GRM5: variants seen among roughly 807,000 people sequenced by gnomAD.
The protein encoded by GRM5 is glutamate metabotropic receptor 5, also known as metabotropic glutamate receptor 5.
GRM5 carries 19 observed loss-of-function variants against 83.1 expected under a neutral mutation model. That is an observed-to-expected ratio of 0.23 (90% CI 0.16 to 0.34). The LOEUF is 0.34. Ranked by LOEUF, GRM5 falls within the 10% of genes least tolerant of loss-of-function variation. The pLI is 1.00. For missense variants in GRM5, 1,160 were observed against 1,588.3 expected, an observed-to-expected ratio of 0.73 and a Z score of 4.58; for synonymous variants, 675 against 633.6, an observed-to-expected ratio of 1.07 and a Z score of -0.98.
chr11:88,959,011 T>A (rs892919587), intron 2 of GRM5, among the ~76,000 whole-genome samples: 1 of 152,280 alleles, frequency 6.6e-6, no homozygotes, highest in South Asian at 2.1e-4. Flanking sequence ...AATGCTGTGA[T>A]ACCATGTGTC....
rs1389163554 is a variant in GRM5 at position 88,867,867 on chromosome 11, T to C, written c.662-17712A>G. 3.9e-5 allele frequency among the ~76,000 whole-genome samples: 6 copies of C among 152,006 alleles called. No homozygotes were observed. The East Asian group carries it at 1.2e-3, about 29-fold the overall frequency. On this transcript the variant is annotated intron_variant, in intron 2 of 9. Coordinates refer to ENST00000305447, the MANE Select transcript of GRM5 (RefSeq NM_001143831.3). Reference sequence around the variant, plus strand: ...TGTTGTTTACGAACCACTGAGTCTATTGGTTTGTTGTTATAGTATCTCAAG... The same window carrying C: ...TGTTGTTTACGAACCACTGAGTCTACTGGTTTGTTGTTATAGTATCTCAAG...
chr11:88,720,851 T>TGTGTGTGTGTGTG (rs1555001368), intron 3 of GRM5, among the ~76,000 whole-genome samples: 1 of 150,268 alleles, frequency 6.7e-6, no homozygotes, highest in African/African-American at 2.4e-5. Flanking sequence ...TGTGCCTGTA[T>TGTGTGTGTGTGTG]TGAATTTATA....
At chr11:88,531,053 G>A (rs1007649477) in intron 8 of GRM5, among the ~76,000 whole-genome samples, 1 of 152,080 alleles carries the variant, frequency 6.6e-6, no homozygotes, top group African/African-American at 2.4e-5. Flanking sequence ...AGTTATAAAT[G>A]AAGCTAAAAG....
At chr11:88,719,190 T>A (rs1941474680) in intron 3 of GRM5, among the ~76,000 whole-genome samples, 1 of 151,914 alleles carries the variant, frequency 6.6e-6, no homozygotes, top group Non-Finnish European at 1.5e-5. Context: ...TACCCATTAG[T>A]TATTTTTACT....
chr11:88,892,754 GT>G (rs1945167082), intron 2 of GRM5, among the ~76,000 whole-genome samples: 1 of 151,978 alleles, frequency 6.6e-6, no homozygotes. Context: ...TGTGAATCAA[GT>G]GGTGATCTCC....
chr11:89,048,643 A>G (rs1404869909), intron 1 of GRM5, among the ~76,000 whole-genome samples: 1 of 152,232 alleles, frequency 6.6e-6, no homozygotes, highest in African/African-American at 2.4e-5. Context: ...TCAGGAATAA[A>G]TAAGTATTGT....
At chr11:88,564,660 C>A (rs1485734317) in intron 8 of GRM5, among the ~76,000 whole-genome samples, 1 of 152,214 alleles carries the variant, frequency 6.6e-6, no homozygotes, top group East Asian at 1.9e-4. Context: ...ATCCCAAATT[C>A]ATTCAACAAA....
At chr11:88,841,890 C>G (rs12272429) in intron 3 of GRM5, among the ~76,000 whole-genome samples, 3,852 of 152,198 alleles carry the variant, frequency 0.025, 173 homozygotes, top group African/African-American at 0.088. Flanking sequence ...GTGAAATGCA[C>G]AGTTCACAGG....
In GRM5 at chr11:88,755,066, A is replaced by T. The variant is rs147757621; in HGVS notation, c.911+94840T>A. Among the ~76,000 whole-genome samples, 404 of 152,314 alleles carry T rather than the reference A, an allele frequency of 2.7e-3. 3 individuals carry two copies. The highest frequency in any genetic ancestry group is 9.3e-3 in the African/African-American group (388 of 41,566). ...TTCAAATGAAATATTATATTGAAGA[A>T]CACTCTGTAATCCTGCTAAACACTA... On this transcript the variant is annotated intron_variant, in intron 3 of 9. Transcript: ENST00000305447.
chr11:88,923,591 T>G (rs186752241), intron 2 of GRM5, among the ~76,000 whole-genome samples: 4 of 151,894 alleles, frequency 2.6e-5, no homozygotes, highest in Admixed American at 2.6e-4. Context: ...GGTTAATAAG[T>G]CCAAAAATAT....
intron 3 of GRM5, among the ~76,000 whole-genome samples, chr11:88,701,794 G>C (rs1354230813): frequency 1.3e-5 from 2 of 152,108 alleles, no homozygotes; most frequent in African/African-American, 4.8e-5. Flanking sequence ...TAAAAACTTG[G>C]AGTGAGAATA....
At chr11:88,735,579 A>G (rs1468223750) in intron 3 of GRM5, among the ~76,000 whole-genome samples, 6 of 152,024 alleles carry the variant, frequency 3.9e-5, no homozygotes, top group Admixed American at 2.0e-4. Flanking sequence ...CAGGATCTGA[A>G]ATGGGTCTGC....
chr11:89,001,058 AACC>A (rs1940359964), intron 2 of GRM5, among the ~76,000 whole-genome samples: 1 of 151,998 alleles, frequency 6.6e-6, no homozygotes, highest in Non-Finnish European at 1.5e-5. Flanking sequence ...AAATAAATAA[AACC>A]ACCACCAGTC....
At chr11:88,812,559 G>T (rs1026609232) in intron 3 of GRM5, among the ~76,000 whole-genome samples, 1 of 152,104 alleles carries the variant, frequency 6.6e-6, no homozygotes, top group African/African-American at 2.4e-5. Flanking sequence ...ACTAAGACAA[G>T]GAGATGTTAT....
chr11:88,791,366 C>T (rs1472951107), intron 3 of GRM5, among the ~76,000 whole-genome samples: 1 of 152,102 alleles, frequency 6.6e-6, no homozygotes, highest in Non-Finnish European at 1.5e-5. Context: ...ACATAAGATG[C>T]TTGAGAAGAG....
intron 4 of GRM5, among the ~76,000 whole-genome samples, chr11:88,629,808 C>CA (rs1490400738): frequency 6.6e-6 from 1 of 152,076 alleles, no homozygotes; most frequent in Non-Finnish European, 1.5e-5. Context: ...TTATCTGCTA[C>CA]AAAAAAGGCC....
chr11:88,676,889 G>C (rs1460817408), intron 3 of GRM5, among the ~76,000 whole-genome samples: 1 of 152,030 alleles, frequency 6.6e-6, no homozygotes, highest in Non-Finnish European at 1.5e-5. Flanking sequence ...ACAAGAAAAA[G>C]TCATTTTGTT....
chr11:88,757,378 C>CA (rs1942416557), intron 3 of GRM5, among the ~76,000 whole-genome samples: 1 of 152,176 alleles, frequency 6.6e-6, no homozygotes, highest in South Asian at 2.1e-4. Flanking sequence ...CACTCCACCC[C>CA]ACTTCCCCTA....
intron 3 of GRM5, among the ~76,000 whole-genome samples, chr11:88,722,919 A>G (rs922182878): frequency 6.6e-6 from 1 of 152,024 alleles, no homozygotes; most frequent in Non-Finnish European, 1.5e-5. Flanking sequence ...TGTACATGCT[A>G]TGGCTTTTGA....
Sources: allele counts gnomAD v4.1 joint callset (sites outside exome capture counted in the v4.1 genomes callset), GRCh38; gene constraint gnomAD v4.1.1; transcripts MANE v1.5; gene names NCBI Gene and HGNC (gene_info 2026-07-23, HGNC 2026-07-21).